CDC14A: variants seen among roughly 807,000 people sequenced by gnomAD.
The protein encoded by CDC14A is cell division cycle 14A, also known as dual specificity protein phosphatase CDC14A.
CDC14A carries 53 observed loss-of-function variants against 74.4 expected under a neutral mutation model. That is an observed-to-expected ratio of 0.71 (90% CI 0.57 to 0.89). The LOEUF (loss-of-function observed/expected upper bound fraction) is 0.89, where lower values mean the gene tolerates loss of function less well. CDC14A is among the 40% of genes least tolerant of loss of function. The pLI, the probability that CDC14A is intolerant of heterozygous loss-of-function variation, is 0.00. For missense variants in CDC14A, 646 were observed against 713.7 expected, an observed-to-expected ratio of 0.91 and a Z score of 1.08; for synonymous variants, 247 against 258.4, an observed-to-expected ratio of 0.96 and a Z score of 0.43.
At chr1:100,517,657 A>C (rs1261183330) in intron 15 of CDC14A, among the ~76,000 whole-genome samples, 1 of 152,228 alleles carries the variant, frequency 6.6e-6, no homozygotes, top group Non-Finnish European at 1.5e-5. Flanking sequence ...ATTGTTTATT[A>C]AATTCCGACA....
At position 100,354,587 on chromosome 1, in the gene CDC14A, T is replaced by C. The variant is rs769232884; in HGVS notation, c.140+735T>C. Among the ~76,000 whole-genome samples, 13 of 152,236 alleles carry C rather than the reference T, an allele frequency of 8.5e-5. 1 individual carries two copies. Among genetic ancestry groups the C allele is most frequent in the Non-Finnish European group, 1.9e-4 (13 of 68,036 alleles). On this transcript the variant is annotated intron_variant, in intron 2 of 15. Transcript: ENST00000336454. ...AAAAGATATCTTAATACTTCAGGCATAGTAAAACATTAATTGAAGAGAGAT... is the reference window on the plus strand; with the variant it reads ...AAAAGATATCTTAATACTTCAGGCACAGTAAAACATTAATTGAAGAGAGAT...
In CDC14A at chr1:100,393,072, A is replaced by G. The variant is rs1056198713; in HGVS notation, c.309+2248A>G. On this transcript the variant is annotated intron_variant, in intron 4 of 15. Transcript: ENST00000336454. The stretch of plus-strand genomic sequence containing the variant: ...GGATGTTTTCTTTGTTTGCCTTTCC[A>G]TGTTGCTGTTTAATTTGATAGATTT... The G allele has an allele frequency of 2.6e-5, 37 of 1,427,610 alleles. No individual in the cohort carries two copies. In the African/African-American group the frequency reaches 4.2e-4, roughly 16 times the overall value. 88.4% of individuals were successfully genotyped at this position (1,427,610 alleles called of 1,614,324 possible).
rs1571154686 is a variant in CDC14A, at chr1:100,424,306, A to G, written c.389+5A>G. ...CCCCCCCTATCTTCCATTCAGGTAT[A>G]ACTCCTGGTGAGACTTGGGTTAAAC... On this transcript the variant is annotated splice_donor_5th_base_variant and intron_variant, in intron 5 of 15. Coordinates refer to ENST00000336454, the MANE Select transcript of CDC14A (RefSeq NM_003672.4). 2 of 1,609,338 alleles carry G rather than the reference A, an allele frequency of 1.2e-6. No individual in the cohort carries two copies. The highest frequency in any genetic ancestry group is 2.7e-5 in the African/African-American group (2 of 74,800).
intron 5 of CDC14A, among the ~76,000 whole-genome samples, chr1:100,427,157 T>C (rs1201624392): frequency 6.6e-6 from 1 of 152,216 alleles, no homozygotes; most frequent in African/African-American, 2.4e-5. Flanking sequence ...CCATTTCTTA[T>C]GAAATTACAC....
In CDC14A at chr1:100,352,974, A is replaced by C. The variant is rs1403931120; in HGVS notation, c.20A>C (p.Glu7Ala). 1 of 1,613,998 alleles carries C rather than the reference A, an allele frequency of 6.2e-7. No individual in the cohort carries two copies. Among genetic ancestry groups the C allele is most frequent in the Admixed American group, 1.7e-5 (1 of 60,020 alleles). The change falls in exon 1 of 16, where the codon GAA becomes GCA. Residue 7 changes from glutamate to alanine, a missense_variant. Transcript: ENST00000336454. ...CTTAAGATGGCAGCGGAGTCAGGGGAACTAATCGGGGCTTGTGAGTTCATG... is the reference window on the plus strand; with the variant it reads ...CTTAAGATGGCAGCGGAGTCAGGGGCACTAATCGGGGCTTGTGAGTTCATG... The part of the protein sequence containing the change: MAAESG[E>A]LIGACEFMKD...
intron 6 of CDC14A, among the ~76,000 whole-genome samples, chr1:100,440,704 A>C (rs563415075): frequency 6.6e-6 from 1 of 152,328 alleles, no homozygotes; most frequent in East Asian, 1.9e-4. Context: ...ATATATAATA[A>C]TGTCACATGG....
At chr1:100,425,601 T>C (rs533168005) in intron 5 of CDC14A, among the ~76,000 whole-genome samples, 3 of 152,198 alleles carry the variant, frequency 2.0e-5, no homozygotes, top group Admixed American at 6.5e-5. Flanking sequence ...TTAATTAAAG[T>C]GAAGTCAAGG....
At chr1:100,408,265 G>T (rs1229673767) in intron 4 of CDC14A, among the ~76,000 whole-genome samples, 1 of 152,138 alleles carries the variant, frequency 6.6e-6, no homozygotes, top group African/African-American at 2.4e-5. Context: ...TTCAATGACT[G>T]CATAGTATTC....
At chr1:100,462,619 G>A (rs1411245468) in intron 8 of CDC14A, 32 bp from the exon 9 acceptor site, 4 of 1,489,856 alleles carry the variant, frequency 2.7e-6, no homozygotes, top group Non-Finnish European at 3.7e-6. Flanking sequence ...TGAAATGCAT[G>A]CCTTTTGCTT....
intron 6 of CDC14A, among the ~76,000 whole-genome samples, chr1:100,440,746 T>A (rs532471200): frequency 2.0e-5 from 3 of 152,320 alleles, no homozygotes; most frequent in Admixed American, 2.0e-4. Flanking sequence ...GCAATTCTAG[T>A]TCATTTCTTG....
At chr1:100,497,777 C>G (rs1263205989) in intron 13 of CDC14A, among the ~76,000 whole-genome samples, 1 of 152,216 alleles carries the variant, frequency 6.6e-6, no homozygotes, top group East Asian at 1.9e-4. Context: ...CTGCTGTTCA[C>G]TAACTGAGTG....
chr1:100,518,012 TATAA>T (rs1435238545), intron 15 of CDC14A, among the ~76,000 whole-genome samples: 1 of 152,258 alleles, frequency 6.6e-6, no homozygotes, highest in Non-Finnish European at 1.5e-5. Flanking sequence ...TTTTAATCAC[TATAA>T]ATAAATTAGT....
chr1:100,491,600 CA>C (rs1400067630), intron 11 of CDC14A, among the ~76,000 whole-genome samples: 3 of 46,300 alleles, frequency 6.5e-5, no homozygotes, highest in Admixed American at 3.0e-4. Flanking sequence ...TTTTTTGAGA[CA>C]GTCTCTATGG....
intron 4 of CDC14A, among the ~76,000 whole-genome samples, chr1:100,419,183 C>A (rs979730073): frequency 2.0e-5 from 3 of 152,062 alleles, no homozygotes; most frequent in Non-Finnish European, 4.4e-5. Flanking sequence ...CAGAACCTGT[C>A]TAAAATAAAA....
chr1:100,380,209 A>C (rs924643102), intron 3 of CDC14A, among the ~76,000 whole-genome samples: 2 of 152,198 alleles, frequency 1.3e-5, no homozygotes, highest in African/African-American at 4.8e-5. Context: ...AAGCTGTCCA[A>C]TATAATTTTA....
chr1:100,479,024 C>A (rs1482872823), intron 10 of CDC14A, among the ~76,000 whole-genome samples: 3 of 152,150 alleles, frequency 2.0e-5, no homozygotes, highest in Non-Finnish European at 4.4e-5. Flanking sequence ...GTGTTTGGCT[C>A]ATCCTTACTC....
At chr1:100,463,488 G>A (rs1667508884) in intron 9 of CDC14A, among the ~76,000 whole-genome samples, 1 of 152,248 alleles carries the variant, frequency 6.6e-6, no homozygotes, top group South Asian at 2.1e-4. Flanking sequence ...TCTGATCTCT[G>A]GGGGTGGATA....
At chr1:100,457,751 C>G (rs1666869346) in intron 8 of CDC14A, among the ~76,000 whole-genome samples, 1 of 151,926 alleles carries the variant, frequency 6.6e-6, no homozygotes, top group South Asian at 2.1e-4. Flanking sequence ...ATTTAAGCCA[C>G]TGAGCCCAGC....
intron 10 of CDC14A, among the ~76,000 whole-genome samples, chr1:100,477,608 C>G (rs1356786969): frequency 6.6e-6 from 1 of 150,878 alleles, no homozygotes; most frequent in Non-Finnish European, 1.5e-5. Flanking sequence ...AGGGACATTT[C>G]AAGAAAAAAG....
Sources: allele counts gnomAD v4.1 joint callset (sites outside exome capture counted in the v4.1 genomes callset), GRCh38; gene constraint gnomAD v4.1.1; transcripts MANE v1.5; gene names NCBI Gene and HGNC (gene_info 2026-07-23, HGNC 2026-07-21).